Variants in CACNA1C observed in about 807,000 individuals in gnomAD.
CACNA1C encodes calcium voltage-gated channel subunit alpha1 C, also known as voltage-dependent L-type calcium channel subunit alpha-1C.
Under a neutral mutation model 229.0 loss-of-function variants are expected in CACNA1C, and 30 were observed. The ratio of observed to expected loss-of-function variants is 0.13; its 90% CI spans 0.10 to 0.18. The LOEUF (loss-of-function observed/expected upper bound fraction) is 0.18. CACNA1C is among the 10% of genes least tolerant of loss of function. CACNA1C has a pLI of 1.00. For missense variants in CACNA1C, 1,658 were observed against 2,845.0 expected (o/e 0.58, Z 9.49); for synonymous variants, 1,114 against 1,132.5 (o/e 0.98, Z 0.33).
chr12:2,551,771 G>A (rs757616795), intron 10 of CACNA1C, among the ~76,000 whole-genome samples: 3 of 152,160 alleles, frequency 2.0e-5, no homozygotes, highest in Admixed American at 6.5e-5. Flanking sequence ...AAGGAACTAC[G>A]GCATGTTACT....
intron 3 of CACNA1C, among the ~76,000 whole-genome samples, chr12:2,289,884 A>G (rs2093278474): frequency 6.6e-6 from 1 of 152,218 alleles, no homozygotes; most frequent in Non-Finnish European, 1.5e-5. Flanking sequence ...GTCAAGTCAC[A>G]TAGAATCACT....
chr12:1,991,233 C>CT (rs1378946310), intron 1 of CACNA1C: 17 of 455,928 alleles, frequency 3.7e-5, no homozygotes, highest in African/African-American at 3.2e-4. Flanking sequence ...TCACTGGAGT[C>CT]TCAGTTTCCT....
chr12:2,648,418 C>T (rs2094562695), intron 30 of CACNA1C, 57 bp from the exon 31 acceptor site: 1 of 1,521,828 alleles, frequency 6.6e-7, no homozygotes. Context: ...ACCTAGAATA[C>T]CGGGCATCTT....
At chr12:2,241,810 C>T (rs1363327320) in intron 3 of CACNA1C, among the ~76,000 whole-genome samples, 1 of 152,214 alleles carries the variant, frequency 6.6e-6, no homozygotes, top group Non-Finnish European at 1.5e-5. Context: ...ATGTTTGATC[C>T]CCTGCTGTAT....
chr12:2,581,096 G>GC lies in CACNA1C; in HGVS notation c.1896-494_1896-493insC, dbSNP rs1276712191. Among the ~76,000 whole-genome samples the GC allele has an allele frequency of 1.1e-3, 163 of 152,202 alleles. 1 individual carries two copies. The highest frequency in any genetic ancestry group is 3.8e-3 in the African/African-American group (158 of 41,548). On this transcript the variant is annotated intron_variant, in intron 13 of 46. Coordinates refer to ENST00000399655, the MANE Select transcript of CACNA1C (RefSeq NM_000719.7). The stretch of plus-strand genomic sequence containing the variant: ...GGCTGAGCTCAGACTGGCATTCATG[G>GC]TGGGGGAAAAAAAGCTTTCTTTCTG...
chr12:2,329,244 G>T (rs1429390850), intron 3 of CACNA1C, among the ~76,000 whole-genome samples: 5 of 152,126 alleles, frequency 3.3e-5, no homozygotes, highest in African/African-American at 1.2e-4. Context: ...TTTCCTGTAT[G>T]TAACTTTGGA....
chr12:2,242,473 G>A (rs1334794609), intron 3 of CACNA1C, among the ~76,000 whole-genome samples: 2 of 152,178 alleles, frequency 1.3e-5, no homozygotes, highest in African/African-American at 2.4e-5. Flanking sequence ...GTCTGTGCCC[G>A]CTGTTATGAG....
rs1437379028 is a variant in CACNA1C, at chr12:2,001,023, G to A, written c.139+29822G>A. Reference sequence around the variant, plus strand: ...TTGCACTCCAGCCTGGGGAACAAGAGCGAGACTTCGTCTCAAAAAAAAAAA... The same window carrying A: ...TTGCACTCCAGCCTGGGGAACAAGAACGAGACTTCGTCTCAAAAAAAAAAA... On this transcript the variant is annotated intron_variant, in intron 1 of 46. Coordinates refer to the CACNA1C transcript ENST00000682462. Among the ~76,000 whole-genome samples, 7 of 140,996 alleles carry A rather than the reference G, an allele frequency of 5.0e-5. No homozygotes were observed. In the East Asian group the frequency reaches 1.4e-3, roughly 29 times the overall value. 92.5% of individuals were successfully genotyped at this position (140,996 alleles called of 152,430 possible). A position where few individuals can be genotyped will look rare whatever the true frequency, so the allele number is the denominator to read the frequency against.
At chr12:2,228,301 C>T (rs564568580) in intron 3 of CACNA1C, among the ~76,000 whole-genome samples, 1 of 152,306 alleles carries the variant, frequency 6.6e-6, no homozygotes, top group South Asian at 2.1e-4. Context: ...CACGTGTATA[C>T]TCTTTTAATT....
At chr12:2,114,269 A>G (rs2082927615) in intron 1 of CACNA1C, among the ~76,000 whole-genome samples, 1 of 152,154 alleles carries the variant, frequency 6.6e-6, no homozygotes, top group Non-Finnish European at 1.5e-5. Flanking sequence ...TGTTGAGGCT[A>G]GTCTGGGCTT....
intron 1 of CACNA1C, among the ~76,000 whole-genome samples, chr12:2,105,789 C>T (rs865796822): frequency 5.2e-4 from 45 of 85,882 alleles, no homozygotes; most frequent in East Asian, 1.1e-3. Flanking sequence ...CACTGGGCGC[C>T]CACCCCGGGG....
chr12:2,434,147 GTTCT>G (rs1278352010), intron 3 of CACNA1C, among the ~76,000 whole-genome samples: 4 of 152,050 alleles, frequency 2.6e-5, no homozygotes, highest in African/African-American at 9.7e-5. Context: ...ACTTCACACT[GTTCT>G]TTGATTGTGG....
At chr12:2,170,048 C>T (rs1439716597) in intron 3 of CACNA1C, among the ~76,000 whole-genome samples, 1 of 152,140 alleles carries the variant, frequency 6.6e-6, no homozygotes, top group African/African-American at 2.4e-5. Flanking sequence ...GGCTCTCTGC[C>T]TGGTTTTTTC....
At chr12:2,125,442 C>T (rs1020006914) in intron 3 of CACNA1C, among the ~76,000 whole-genome samples, 44 of 152,262 alleles carry the variant, frequency 2.9e-4, no homozygotes, top group Admixed American at 2.6e-3. Context: ...CCCCAAATCA[C>T]TTATGTACCC....
In CACNA1C at chr12:2,171,506, G is replaced by A. The variant is rs11062137; in HGVS notation, c.477+51076G>A. On this transcript the variant is annotated intron_variant, in intron 3 of 46. Transcript: ENST00000399655. ...GGAGGTGGGGACTCCACAGGGTTCC[G>A]CCATTTCCTGGGAAGGGAACCTTAG... Among the ~76,000 whole-genome samples, 1,464 of 152,288 alleles carry A rather than the reference G, an allele frequency of 9.6e-3. 11 individuals carry two copies. Among genetic ancestry groups the A allele is most frequent in the Non-Finnish European group, 0.013 (876 of 68,012 alleles).
chr12:2,230,736 C>T (rs1400297914), intron 3 of CACNA1C, among the ~76,000 whole-genome samples: 1 of 152,254 alleles, frequency 6.6e-6, no homozygotes, highest in Non-Finnish European at 1.5e-5. Context: ...AAATACATTT[C>T]TCCAAGACAA....
At chr12:2,219,872 T>A (rs2060988813) in intron 3 of CACNA1C, among the ~76,000 whole-genome samples, 1 of 151,698 alleles carries the variant, frequency 6.6e-6, no homozygotes, top group Non-Finnish European at 1.5e-5. Flanking sequence ...AGGCCTGGAG[T>A]CTGGAGGCCT....
chr12:2,617,056 C>T (rs1476479189), intron 29 of CACNA1C, among the ~76,000 whole-genome samples: 1 of 152,224 alleles, frequency 6.6e-6, no homozygotes, highest in Non-Finnish European at 1.5e-5. Context: ...TGTTATCTTT[C>T]AGGAAAGAGG....
At chr12:2,004,524 C>A (rs938621761) in intron 1 of CACNA1C, 51 of 1,501,766 alleles carry the variant, frequency 3.4e-5, no homozygotes, top group Non-Finnish European at 4.2e-5. Flanking sequence ...CGAGAACCCA[C>A]GGCGACCACA....
Sources: gnomAD v4.1 joint callset for allele counts (sites outside exome capture counted in the v4.1 genomes callset) on GRCh38, gnomAD v4.1.1 for gene constraint, MANE v1.5 for transcripts, NCBI Gene and HGNC (gene_info 2026-07-23, HGNC 2026-07-21) for gene names.